Variants in DNAH5 observed in about 807,000 individuals in gnomAD.
DNAH5 encodes dynein axonemal heavy chain 5.
DNAH5 carries 372 observed loss-of-function variants against 518.2 expected under a neutral mutation model. The observed-to-expected ratio is 0.72, with a 90% CI of 0.66 to 0.78. The LOEUF (loss-of-function observed/expected upper bound fraction) is 0.78, where lower values mean the gene tolerates loss of function less well. Ranked by LOEUF, DNAH5 falls within the 30% of genes least tolerant of loss-of-function variation. The pLI is 0.00. For missense variants in DNAH5, 5,523 were observed against 5,687.0 expected, an observed-to-expected ratio of 0.97 and a Z score of 0.93; for synonymous variants, 2,039 against 2,025.9, an observed-to-expected ratio of 1.01 and a Z score of -0.17.
At chr5:13,912,950 T>C (rs112706224) in intron 11 of DNAH5, among the ~76,000 whole-genome samples, 3,455 of 152,118 alleles carry the variant, frequency 0.023, 83 homozygotes, top group African/African-American at 0.062. Flanking sequence ...AGGTATTTTC[T>C]TTATCTCTCC....
At chr5:13,751,466 T>C (rs1378947572) in intron 64 of DNAH5, among the ~76,000 whole-genome samples, 2 of 152,108 alleles carry the variant, frequency 1.3e-5, no homozygotes, top group African/African-American at 4.8e-5. Flanking sequence ...GGAAGAAACA[T>C]ATATATACAC....
At chr5:13,829,058 C>G (rs1763291290) in intron 38 of DNAH5, among the ~76,000 whole-genome samples, 1 of 152,260 alleles carries the variant, frequency 6.6e-6, no homozygotes, top group Non-Finnish European at 1.5e-5. Context: ...GATGCCTGAA[C>G]CTGGTACCCT....
chr5:13,885,597 C>T (rs1454346141), intron 18 of DNAH5, among the ~76,000 whole-genome samples: 1 of 152,208 alleles, frequency 6.6e-6, no homozygotes, highest in Non-Finnish European at 1.5e-5. Flanking sequence ...CCACATCTCT[C>T]TGTTCTCCTC....
chr5:14,008,283 G>C (rs1167397587), intron 1 of DNAH5, among the ~76,000 whole-genome samples: 1 of 151,924 alleles, frequency 6.6e-6, no homozygotes, highest in Non-Finnish European at 1.5e-5. Flanking sequence ...GAGGGAAAGA[G>C]GAAGAAATGA....
At chr5:13,744,952 G>A (rs2126659870) in intron 65 of DNAH5, among the ~76,000 whole-genome samples, 1 of 152,124 alleles carries the variant, frequency 6.6e-6, no homozygotes, top group South Asian at 2.1e-4. Flanking sequence ...CACCACCAGT[G>A]AGCTGGTGAT....
At chr5:13,862,917 C>T (rs545380201) in intron 28 of DNAH5, among the ~76,000 whole-genome samples, 170 bp from the exon 29 acceptor site, 48 of 150,892 alleles carry the variant, frequency 3.2e-4, no homozygotes, top group African/African-American at 7.1e-4. Flanking sequence ...AAGGTGTATA[C>T]GCAGATACTG....
rs1765097298 is a variant in DNAH5, at chr5:13,841,103, A to G, written c.5512T>C (p.Trp1838Arg). Residue 1838 changes from tryptophan (W) to arginine (R), a missense_variant, in exon 34 of 79, where the codon TGG becomes CGG. Trp to Arg is a moderately radical substitution (Grantham distance 101, BLOSUM62 -3). This residue lies in a region of DNAH5 where 5,121 missense variants were observed against 5,223.3 expected (regional missense o/e 0.98). Transcript: ENST00000265104. ...QVGLLGIQMI[W>R]TRDSEEALRN... ...AGGGCTTCTTCTGAATCCCGTGTCC[A>G]TATCATCTGAATTCCTAATAATCCA... The G allele has an allele frequency of 6.2e-7, 1 of 1,614,064 alleles. No individual in the cohort carries two copies. Among genetic ancestry groups the G allele is most frequent in the Non-Finnish European group, 8.5e-7 (1 of 1,179,968 alleles).
rs983453056 is a variant in DNAH5, at chr5:13,691,150, A to G, written c.*834T>C. The G allele has an allele frequency of 6.6e-6, 1 of 152,176 alleles. No individual in the cohort carries two copies. Among genetic ancestry groups the G allele is most frequent in the African/African-American group, 2.4e-5 (1 of 41,446 alleles). The allele number at this position is 152,176 out of a possible 1,614,324, so 9.4% of individuals were successfully genotyped here. On this transcript the variant is annotated 3_prime_UTR_variant, in exon 79 of 79. Coordinates refer to ENST00000265104, the MANE Select transcript of DNAH5 (RefSeq NM_001369.3). ...TTTTTCCATTTTTTTCTGTTATTAA[A>G]TGCAATTTTATATAGACTGTTTTCA... is the stretch of plus-strand genomic sequence containing the variant.
chr5:13,756,643 C>T (rs1751031611), intron 61 of DNAH5, among the ~76,000 whole-genome samples: 2 of 152,196 alleles, frequency 1.3e-5, no homozygotes, highest in Non-Finnish European at 2.9e-5. Flanking sequence ...GTTTTCCATA[C>T]ATAAGTGAAT....
At position 13,758,917 on chromosome 5, in the gene DNAH5, C is replaced by T. The variant is rs758739748; in HGVS notation, c.10348G>A (p.Glu3450Lys). 20 of 1,614,018 alleles carry T rather than the reference C, an allele frequency of 1.2e-5. No individual in the cohort carries two copies. Among genetic ancestry groups the T allele is most frequent in the Admixed American group, 3.3e-5 (2 of 60,000 alleles). Residue 3450 changes from glutamate to lysine, a missense_variant, in exon 61 of 79, where the codon GAG (glutamate) becomes AAG (lysine). Coordinates refer to ENST00000265104, the MANE Select transcript of DNAH5 (RefSeq NM_001369.3). ...AGTTCCGCCTGCTTGTCATCCAACT[C>T]GGCCTGGGCTTTCTGCAGATCCTGC... ...AMQDLQKAQAELDDKQAELDV... is the reference protein window; with the variant it reads ...AMQDLQKAQAKLDDKQAELDV...
At chr5:13,792,484 A>G (rs932852044) in intron 49 of DNAH5, among the ~76,000 whole-genome samples, 2 of 152,222 alleles carry the variant, frequency 1.3e-5, no homozygotes, top group African/African-American at 4.8e-5. Context: ...CTTCAATATT[A>G]TTAAATGGGT....
chr5:13,713,078 A>G (rs1743717669), intron 75 of DNAH5, among the ~76,000 whole-genome samples: 1 of 149,252 alleles, frequency 6.7e-6, no homozygotes, highest in Non-Finnish European at 1.5e-5. Flanking sequence ...TCAATTAACG[A>G]ATGTATAAAG....
At chr5:13,953,861 C>T (rs892634938) in intron 1 of DNAH5, among the ~76,000 whole-genome samples, 1 of 152,142 alleles carries the variant, frequency 6.6e-6, no homozygotes, top group Non-Finnish European at 1.5e-5. Flanking sequence ...GCGCCTGCCA[C>T]CACGTCCAGC....
intron 55 of DNAH5, 83 bp downstream of exon 55, chr5:13,776,356 G>A: frequency 1.9e-6 from 3 of 1,568,772 alleles, no homozygotes; most frequent in Non-Finnish European, 2.6e-6. Flanking sequence ...AGATCCAGCT[G>A]AGGCAGAGCC....
At chr5:13,839,331 G>C in intron 35 of DNAH5, 25 bp downstream of exon 35, 1 of 1,611,314 alleles carries the variant, frequency 6.2e-7, no homozygotes, top group Non-Finnish European at 8.5e-7. Context: ...AAAATGGTGG[G>C]GGTTGGGGAG....
At chr5:13,962,190 T>C (rs1781229669) in intron 1 of DNAH5, among the ~76,000 whole-genome samples, 3 of 152,178 alleles carry the variant, frequency 2.0e-5, no homozygotes, top group Admixed American at 2.0e-4. Flanking sequence ...TGTTATTATG[T>C]TTTTTGTGTG....
rs1760408803 is a variant in DNAH5, at chr5:13,810,160, C to T, written c.7508G>A (p.Arg2503His). 13 of 1,548,260 alleles carry T rather than the reference C, an allele frequency of 8.4e-6. No homozygotes were observed. Among genetic ancestry groups the T allele is most frequent in the Non-Finnish European group, 1.0e-5 (12 of 1,145,568 alleles). The change falls in exon 45 of 79, where the codon CGC (arginine) becomes CAC (histidine). Residue 2503 changes from arginine to histidine, a missense_variant. Transcript: ENST00000265104. ...CCGAGAGCGCAGCCAGAGCTCCAGG[C>T]GGCGCCGTCCGTCCAGCTCCAGCGC... Reference protein sequence around the residue: ...GAALELDGRRRLELWLRSRPT... With the variant: ...GAALELDGRRHLELWLRSRPT...
In DNAH5 at chr5:13,839,585, A is replaced by C; in HGVS notation, c.5710-57T>G. The C allele has an allele frequency of 2.1e-6, 3 of 1,425,090 alleles. No individual in the cohort carries two copies. In the East Asian group the frequency reaches 6.8e-5, roughly 32 times the overall value. 88.3% of individuals were successfully genotyped at this position (1,425,090 alleles called of 1,614,324 possible). On this transcript the variant is annotated intron_variant, in intron 34 of 78. Coordinates refer to ENST00000265104, the MANE Select transcript of DNAH5 (RefSeq NM_001369.3). ...GATGAGAATCACTCATTAAATATAC[A>C]CGTTATTAGCATTCATGTAGATCAT...
chr5:13,867,800 G>A lies in DNAH5; in HGVS notation c.4027C>T (p.His1343Tyr). The A allele has an allele frequency of 6.2e-7, 1 of 1,613,906 alleles. No homozygotes were observed. Among genetic ancestry groups the A allele is most frequent in the Non-Finnish European group, 8.5e-7 (1 of 1,179,898 alleles). ...SAVEVFLQDC[H>Y]QFYLDYDLNG... The stretch of plus-strand genomic sequence containing the variant: ...AAATCATAGTCCAGATAAAACTGGT[G>A]ACAATCTTGGAGGAATACCTCCACA... Residue 1343 changes from histidine to tyrosine, a missense_variant, in exon 25 of 79, where the codon CAC (histidine) becomes TAC (tyrosine). Physicochemically the swap from His to Tyr is moderately conservative, Grantham distance 83. Around this residue, in one of 3 missense-constraint regions of DNAH5, gnomAD observed 5,121 missense variants for 5,223.3 expected, o/e 0.98. Coordinates refer to ENST00000265104, the MANE Select transcript of DNAH5 (RefSeq NM_001369.3).
Sources: allele counts gnomAD v4.1 joint callset (sites outside exome capture counted in the v4.1 genomes callset), GRCh38; gene constraint gnomAD v4.1.1; regional missense constraint gnomAD v4.1.1; transcripts MANE v1.5; gene names NCBI Gene and HGNC (gene_info 2026-07-23, HGNC 2026-07-21).